Variants in ATRN observed in about 807,000 individuals in gnomAD.
ATRN encodes attractin.
Under a neutral mutation model 178.7 loss-of-function variants are expected in ATRN, and 54 were observed. The ratio of observed to expected loss-of-function variants is 0.30; its 90% CI spans 0.24 to 0.38. The LOEUF is 0.38. Ranked by LOEUF, ATRN falls within the 10% of genes least tolerant of loss-of-function variation. ATRN has a pLI of 1.00. For synonymous variants in ATRN, 636 were observed against 663.0 expected, an observed-to-expected ratio of 0.96 and a Z score of 0.63; for missense variants, 1,443 against 1,815.1, an observed-to-expected ratio of 0.79 and a Z score of 3.73.
rs553696482 is a variant in ATRN, at chr20:3,645,887, A to G, written c.4166-836A>G. On this transcript the variant is annotated intron_variant, in intron 28 of 28. Coordinates refer to ENST00000262919, the MANE Select transcript of ATRN (RefSeq NM_139321.3). The surrounding 1 kb of genome is among the most constrained non-coding windows in gnomAD (Gnocchi z 4.7). ...CGTATATTAGGAATCCAGCTCCCCC[A>G]GAACCGTGCCTTCCCTAATGGATGT... 6.6e-6 allele frequency among the ~76,000 whole-genome samples: 1 copy of G among 152,130 alleles called. No homozygotes were observed. The highest frequency in any genetic ancestry group is 2.1e-4 in the South Asian group (1 of 4,818).
chr20:3,579,572 T>C (rs2086256015), intron 15 of ATRN, among the ~76,000 whole-genome samples: 1 of 152,138 alleles, frequency 6.6e-6, no homozygotes, highest in African/African-American at 2.4e-5. Flanking sequence ...GAGAGCACCT[T>C]CTTGTCAAGA....
intron 1 of ATRN, among the ~76,000 whole-genome samples, chr20:3,506,008 A>ATACAGGTGACAG (rs2085038104): frequency 6.6e-6 from 1 of 152,184 alleles, no homozygotes; most frequent in Admixed American, 6.5e-5. Context: ...CTGTGGAGGT[A>ATACAGGTGACAG]GATCCTTGAA....
rs528282353 is a variant in ATRN, at chr20:3,489,910, T to G, written c.410+18393T>G. ...GGCAGGTTTTTGGGGTTGTAAATGA[T>G]CTCGTTCTTTTCATCTTCACTCTCA... is the stretch of plus-strand genomic sequence containing the variant. On this transcript the variant is annotated intron_variant, in intron 1 of 28. Transcript: ENST00000262919. The G allele has an allele frequency of 3.6e-5, 46 of 1,276,974 alleles. No individual in the cohort carries two copies. In the African/African-American group the frequency reaches 5.8e-4, roughly 16 times the overall value. The allele number at this position is 1,276,974 out of a possible 1,614,324, so 79.1% of individuals were successfully genotyped here.
chr20:3,492,619 TG>T (rs1253438003), intron 1 of ATRN, among the ~76,000 whole-genome samples: 5 of 152,214 alleles, frequency 3.3e-5, no homozygotes, highest in African/African-American at 1.2e-4. Flanking sequence ...TATCATAAAT[TG>T]TTCATACATG....
At chr20:3,550,356 A>G (rs1235796759) in intron 6 of ATRN, among the ~76,000 whole-genome samples, 4 of 152,146 alleles carry the variant, frequency 2.6e-5, no homozygotes, top group African/African-American at 9.7e-5. Flanking sequence ...TACTAGTGCC[A>G]TGCTGTTACT....
chr20:3,498,703 A>G (rs1368348133), intron 1 of ATRN, among the ~76,000 whole-genome samples: 2 of 152,070 alleles, frequency 1.3e-5, no homozygotes, highest in East Asian at 1.9e-4. Context: ...AGAGCTATCT[A>G]TGACAAACCC....
chr20:3,574,400 C>T (rs1341229126), intron 12 of ATRN, among the ~76,000 whole-genome samples: 1 of 152,114 alleles, frequency 6.6e-6, no homozygotes, highest in Non-Finnish European at 1.5e-5. Flanking sequence ...CGCCTATAGT[C>T]CCAGCTACTA....
At chr20:3,614,965 T>A (rs1053170196) in intron 24 of ATRN, among the ~76,000 whole-genome samples, 3 of 152,256 alleles carry the variant, frequency 2.0e-5, no homozygotes, top group Non-Finnish European at 4.4e-5. Context: ...CATAGCTGAA[T>A]AATCTTCCTT....
chr20:3,617,895 C>T (rs537562929), intron 24 of ATRN, among the ~76,000 whole-genome samples: 30 of 152,212 alleles, frequency 2.0e-4, no homozygotes, highest in Admixed American at 1.4e-3. Flanking sequence ...ACTCAGGGGT[C>T]AGGGGCAAAA....
intron 1 of ATRN, among the ~76,000 whole-genome samples, chr20:3,485,168 G>A (rs1020402047): frequency 1.6e-4 from 25 of 152,108 alleles, no homozygotes; most frequent in Admixed American, 5.2e-4. Flanking sequence ...TTATTTCCTC[G>A]TATTTTGAAT....
intron 2 of ATRN, among the ~76,000 whole-genome samples, chr20:3,536,735 A>T (rs2085538551): frequency 6.6e-6 from 1 of 152,196 alleles, no homozygotes; most frequent in Admixed American, 6.5e-5. Context: ...CTGGATTGTC[A>T]TATCTTCTGC....
intron 1 of ATRN, among the ~76,000 whole-genome samples, chr20:3,511,228 C>T (rs980498565): frequency 1.3e-5 from 2 of 151,928 alleles, no homozygotes; most frequent in African/African-American, 2.4e-5. Flanking sequence ...GGGAAGAAAA[C>T]AATAAAGATA....
At chr20:3,590,721 A>T (rs971754078) in intron 18 of ATRN, among the ~76,000 whole-genome samples, 11 of 152,202 alleles carry the variant, frequency 7.2e-5, no homozygotes, top group Admixed American at 2.6e-4. Flanking sequence ...GTGGTAAAAT[A>T]GTTGTGATCT....
chr20:3,594,458 G>C (rs754185320), intron 19 of ATRN, 21 bp from the exon 20 acceptor site: 1 of 1,580,550 alleles, frequency 6.3e-7, no homozygotes, highest in East Asian at 2.3e-5. Context: ...TGTGACCTCT[G>C]TTCCTTTTTC....
intron 1 of ATRN, among the ~76,000 whole-genome samples, chr20:3,507,888 C>T (rs1020751761): frequency 1.1e-4 from 17 of 151,546 alleles, no homozygotes; most frequent in Admixed American, 7.9e-4. Flanking sequence ...TTAGTTTTAG[C>T]GAAACGGGGT....
chr20:3,560,171 T>C (rs1439926663), intron 7 of ATRN, among the ~76,000 whole-genome samples: 1 of 152,162 alleles, frequency 6.6e-6, no homozygotes, highest in Non-Finnish European at 1.5e-5. Flanking sequence ...TGCCAGCCTC[T>C]GGTAACCACC....
At chr20:3,608,921 T>G (rs948266605) in intron 24 of ATRN, among the ~76,000 whole-genome samples, 3 of 146,442 alleles carry the variant, frequency 2.0e-5, no homozygotes, top group African/African-American at 7.6e-5. Context: ...GAGCCAAGAT[T>G]ACGCCACTAC....
intron 6 of ATRN, among the ~76,000 whole-genome samples, chr20:3,551,552 A>G (rs1303828466): frequency 2.0e-5 from 3 of 152,146 alleles, no homozygotes; most frequent in East Asian, 3.9e-4. Context: ...CTTGCAGGGA[A>G]TCTTACCTGA....
chr20:3,523,393 G>A (rs958855620), intron 1 of ATRN, among the ~76,000 whole-genome samples: 1 of 152,022 alleles, frequency 6.6e-6, no homozygotes, highest in Non-Finnish European at 1.5e-5. Flanking sequence ...AACAAACAAA[G>A]CCTCCAAGAA....
Sources: allele counts gnomAD v4.1 joint callset (sites outside exome capture counted in the v4.1 genomes callset), GRCh38; gene constraint gnomAD v4.1.1; non-coding constraint Gnocchi (gnomAD v3.1); transcripts MANE v1.5; gene names NCBI Gene and HGNC (gene_info 2026-07-23, HGNC 2026-07-21).